Variants in KDM4C observed in about 807,000 individuals in gnomAD.
The protein encoded by KDM4C is lysine demethylase 4C, also known as lysine-specific demethylase 4C.
Under a neutral mutation model 129.3 loss-of-function variants are expected in KDM4C, and 81 were observed. That is an observed-to-expected ratio of 0.63 (90% confidence interval 0.52 to 0.75). The LOEUF (loss-of-function observed/expected upper bound fraction) is 0.75, where lower values mean the gene tolerates loss of function less well. Among genes scored for constraint, KDM4C ranks in the 30% least tolerant of loss-of-function variants. The pLI, the probability that KDM4C is intolerant of heterozygous loss-of-function variation, is 0.00. For synonymous variants in KDM4C, 573 were observed against 456.1 expected, an observed-to-expected ratio of 1.26 and a Z score of -3.26; for missense variants, 1,457 against 1,304.0, an observed-to-expected ratio of 1.12 and a Z score of -1.81.
intron 8 of KDM4C, among the ~76,000 whole-genome samples, chr9:6,961,468 T>G (rs946404861): frequency 6.6e-6 from 1 of 152,068 alleles, no homozygotes; most frequent in Non-Finnish European, 1.5e-5. Context: ...TTGTATAAAC[T>G]GTCAGAAAAT....
intron 1 of KDM4C, among the ~76,000 whole-genome samples, chr9:6,777,584 A>G (rs1347273871): frequency 6.6e-6 from 1 of 152,134 alleles, no homozygotes; most frequent in African/African-American, 2.4e-5. Flanking sequence ...CCTGTCTAAG[A>G]CAAGAAAGTT....
At chr9:6,744,577 A>G (rs1234259632) in intron 1 of KDM4C, among the ~76,000 whole-genome samples, 1 of 152,098 alleles carries the variant, frequency 6.6e-6, no homozygotes, top group Non-Finnish European at 1.5e-5. Flanking sequence ...AAATATTTAT[A>G]ATAGAGACAG....
At chr9:7,083,918 G>A (rs969941138) in intron 17 of KDM4C, among the ~76,000 whole-genome samples, 2 of 152,092 alleles carry the variant, frequency 1.3e-5, no homozygotes, top group Non-Finnish European at 2.9e-5. Context: ...GATCCTATGA[G>A]TAAAAACATT....
At chr9:6,835,865 G>A (rs1190427049) in intron 4 of KDM4C, among the ~76,000 whole-genome samples, 1 of 152,030 alleles carries the variant, frequency 6.6e-6, no homozygotes, top group African/African-American at 2.4e-5. Flanking sequence ...ATTGTTACAG[G>A]AAGTTGTTTG....
chr9:6,849,479 C>A, intron 4 of KDM4C, 28 bp from the exon 5 acceptor site: 1 of 1,493,982 alleles, frequency 6.7e-7, no homozygotes, highest in Non-Finnish European at 9.0e-7. Context: ...GATTTGATTT[C>A]TCTCTCTTTT....
At chr9:6,856,582 ATT>A (rs367680825) in intron 5 of KDM4C, among the ~76,000 whole-genome samples, 7,145 of 78,268 alleles carry the variant, frequency 0.091, 223 homozygotes, top group South Asian at 0.24. Flanking sequence ...GTGTGTGTGT[ATT>A]TTTTTTTGAG....
At chr9:6,901,610 C>T (rs1377194957) in intron 8 of KDM4C, among the ~76,000 whole-genome samples, 1 of 152,140 alleles carries the variant, frequency 6.6e-6, no homozygotes, top group Non-Finnish European at 1.5e-5. Flanking sequence ...TTGAAAACAT[C>T]CTTTTATGTC....
intron 8 of KDM4C, among the ~76,000 whole-genome samples, chr9:6,909,355 G>C (rs952279699): frequency 9.2e-5 from 14 of 152,172 alleles, no homozygotes; most frequent in African/African-American, 3.4e-4. Context: ...GGACCCAAAA[G>C]GCTCTCAAGT....
chr9:7,046,752 GGT>G (rs1829456718), intron 15 of KDM4C, 108 bp from the exon 16 acceptor site: 2 of 815,748 alleles, frequency 2.5e-6, no homozygotes, highest in South Asian at 3.0e-5. Context: ...AATTCCTGAT[GGT>G]TTTAATTTTA....
intron 8 of KDM4C, among the ~76,000 whole-genome samples, chr9:6,947,643 A>C (rs949848659): frequency 6.6e-6 from 1 of 152,086 alleles, no homozygotes; most frequent in African/African-American, 2.4e-5. Flanking sequence ...GTTTTCCTCT[A>C]GGTCCTTGAA....
intron 17 of KDM4C, among the ~76,000 whole-genome samples, chr9:7,101,157 T>C (rs1837038599): frequency 6.6e-6 from 1 of 152,214 alleles, no homozygotes; most frequent in African/African-American, 2.4e-5. Flanking sequence ...GCATGATTCA[T>C]TAATTGTAGC....
At chr9:6,909,118 T>C (rs1818832880) in intron 8 of KDM4C, among the ~76,000 whole-genome samples, 1 of 152,222 alleles carries the variant, frequency 6.6e-6, no homozygotes, top group Non-Finnish European at 1.5e-5. Flanking sequence ...ATGTGAAACA[T>C]ACTGAAAATG....
chr9:6,730,813 C>A (rs193066621), intron 1 of KDM4C, among the ~76,000 whole-genome samples: 1 of 152,064 alleles, frequency 6.6e-6, no homozygotes, highest in Non-Finnish European at 1.5e-5. Context: ...TACAGCTCCG[C>A]GTTTGCCTTA....
At chr9:6,910,033 G>T (rs968301339) in intron 8 of KDM4C, among the ~76,000 whole-genome samples, 1 of 152,124 alleles carries the variant, frequency 6.6e-6, no homozygotes. Context: ...TAGCAAGTTC[G>T]TGAGAAGGAA....
chr9:7,037,820 C>A (rs1803405978), intron 15 of KDM4C, among the ~76,000 whole-genome samples: 2 of 152,150 alleles, frequency 1.3e-5, no homozygotes, highest in East Asian at 3.9e-4. Flanking sequence ...AATCATGTTA[C>A]AACAGGCATT....
chr9:7,105,548 G>C (rs10758825), intron 18 of KDM4C: 156,280 of 458,432 alleles, frequency 0.34, 28,836 homozygotes, highest in Middle Eastern at 0.54. Context: ...TAAGTTCAGA[G>C]AGGTTTAATT....
At chr9:6,757,831 G>A (rs1243549229), upstream of KDM4C, 2 of 985,536 alleles carry the variant, frequency 2.0e-6, no homozygotes, top group African/African-American at 1.7e-5. Flanking sequence ...ATGCGCGCCA[G>A]CAAGCCTAAG....
chr9:6,998,782 C>T (rs540792730), intron 12 of KDM4C, among the ~76,000 whole-genome samples: 3 of 147,956 alleles, frequency 2.0e-5, no homozygotes, highest in East Asian at 4.1e-4. Context: ...GGCAACACAG[C>T]AGGACTCTGG....
At chr9:6,927,372 C>T (rs1022390918) in intron 8 of KDM4C, among the ~76,000 whole-genome samples, 10 of 152,282 alleles carry the variant, frequency 6.6e-5, no homozygotes, top group East Asian at 3.9e-4. Context: ...TCAAGTCATC[C>T]GCCTGCCTTG....
Sources: allele counts gnomAD v4.1 joint callset (sites outside exome capture counted in the v4.1 genomes callset), GRCh38; gene constraint gnomAD v4.1.1; transcripts MANE v1.5; gene names NCBI Gene and HGNC (gene_info 2026-07-23, HGNC 2026-07-21).